Variants in GAPDHS observed in about 807,000 individuals in gnomAD.
The protein encoded by GAPDHS is glyceraldehyde-3-phosphate dehydrogenase, spermatogenic.
In GAPDHS, 42 loss-of-function variants were observed where a neutral mutation model predicts 48.7. The observed-to-expected ratio is 0.86, with a 90% confidence interval of 0.67 to 1.12. The LOEUF (loss-of-function observed/expected upper bound fraction) is 1.12. GAPDHS is among the 50% of genes most tolerant of loss of function. The pLI is 0.00. For synonymous variants in GAPDHS, 166 were observed against 219.1 expected (o/e 0.76, Z 2.14); for missense variants, 512 against 557.7 (o/e 0.92, Z 0.82).
chr19:35,542,454 T>A lies in GAPDHS; in HGVS notation c.541-36T>A, dbSNP rs777521930. ...CCAGGGCTAGCTGGGGGGATGATGG[T>A]GCCAGAAGCCCCTGACACCTGCGCT... On this transcript the variant is annotated intron_variant, in intron 5 of 10. Transcript: ENST00000222286. 6 of 1,586,882 alleles carry A rather than the reference T, an allele frequency of 3.8e-6. No individual in the cohort carries two copies. The East Asian group carries it at 1.3e-4, about 35-fold the overall frequency.
chr19:35,540,487 A>G (rs1365915287), intron 4 of GAPDHS, among the ~76,000 whole-genome samples: 1 of 152,154 alleles, frequency 6.6e-6, no homozygotes, highest in African/African-American at 2.4e-5. Flanking sequence ...GGGGTATCTG[A>G]GAAGAGCTCG....
intron 2 of GAPDHS, 60 bp from the exon 3 acceptor site, chr19:35,538,247 A>G: frequency 8.4e-7 from 1 of 1,188,108 alleles, no homozygotes; most frequent in Non-Finnish European, 1.2e-6. Flanking sequence ...AGGCTCCTTG[A>G]GGGAGCCTCC....
At chr19:35,540,129 G>A (rs1372586593) in intron 4 of GAPDHS, among the ~76,000 whole-genome samples, 5 of 152,238 alleles carry the variant, frequency 3.3e-5, no homozygotes, top group Non-Finnish European at 7.3e-5. Context: ...GGGATGATGA[G>A]CAAACCCACC....
At chr19:35,536,783 G>GC (rs1398227982) in intron 1 of GAPDHS, 30 bp from the exon 2 acceptor site, 1 of 1,551,112 alleles carries the variant, frequency 6.4e-7, no homozygotes, top group African/African-American at 1.4e-5. Context: ...TGGTGGTCAT[G>GC]CAACCCATTC....
chr19:35,543,587 G>T, intron 8 of GAPDHS, 78 bp from the exon 9 acceptor site: 1 of 1,581,564 alleles, frequency 6.3e-7, no homozygotes, highest in African/African-American at 1.3e-5. Context: ...CAGGGGCCTG[G>T]CCCAGCCACA....
chr19:35,535,696 G>A (rs2071461371), intron 1 of GAPDHS, among the ~76,000 whole-genome samples: 2 of 151,322 alleles, frequency 1.3e-5, no homozygotes, highest in East Asian at 2.0e-4. Context: ...CTGGAGTGCT[G>A]ATTAAAAACA....
At chr19:35,544,466 A>C in intron 9 of GAPDHS, 1 of 177,854 alleles carries the variant, frequency 5.6e-6, no homozygotes, top group South Asian at 1.3e-4. Flanking sequence ...TCAGGATTGA[A>C]AACACTCCTG....
At chr19:35,542,435 C>CAAGCTGGGGAGAGGTGCCCAGGGA in intron 5 of GAPDHS, 26 bp downstream of exon 5, 1 of 1,598,762 alleles carries the variant, frequency 6.3e-7, no homozygotes, top group Non-Finnish European at 8.6e-7. Flanking sequence ...GTGCCCAGGG[C>CAAGCTGGGGAGAGGTGCCCAGGGA]TAGCTGGGGG....
chr19:35,543,422 A>T lies in GAPDHS; in HGVS notation c.824A>T (p.His275Leu). 1.2e-6 allele frequency: 2 copies of T among 1,610,554 alleles called. No homozygotes were observed. The highest frequency in any genetic ancestry group is 1.7e-6 in the Non-Finnish European group (2 of 1,178,982). ...RKAWRDGRGAHQNIIPASTGA... is the reference protein window; with the variant it reads ...RKAWRDGRGALQNIIPASTGA... ...GCCTGGCGAGATGGGCGGGGTGCCC[A>T]CCAGAACATCATCCCAGCCTCCACT... Residue 275 changes from histidine to leucine, a missense_variant, in exon 8 of 11, where the codon CAC becomes CTC. Transcript: ENST00000222286.
intron 4 of GAPDHS, chr19:35,542,048 T>C: frequency 4.1e-6 from 2 of 489,946 alleles, no homozygotes; most frequent in Non-Finnish European, 7.5e-6. Flanking sequence ...CTGAGGAGGT[T>C]GAGGGCTGAG....
At chr19:35,543,986 C>A in intron 9 of GAPDHS, 159 bp downstream of exon 9, 5 of 1,333,792 alleles carry the variant, frequency 3.7e-6, no homozygotes, top group Non-Finnish European at 4.9e-6. Flanking sequence ...TTCCTTTAGT[C>A]TGGAATGCTT....
At chr19:35,536,694 G>T in intron 1 of GAPDHS, 119 bp from the exon 2 acceptor site, 1 of 767,382 alleles carries the variant, frequency 1.3e-6, no homozygotes, top group South Asian at 2.0e-5. Context: ...GGGAAACACT[G>T]GGCTAAATGG....
intron 4 of GAPDHS, chr19:35,541,118 C>G (rs964168058): frequency 3.3e-5 from 5 of 152,094 alleles, no homozygotes; most frequent in African/African-American, 9.7e-5. Flanking sequence ...GCACTCCAGC[C>G]TGAGTGACAG....
chr19:35,543,582 G>T, intron 8 of GAPDHS, 83 bp from the exon 9 acceptor site: 1 of 1,578,680 alleles, frequency 6.3e-7, no homozygotes, highest in Non-Finnish European at 8.6e-7. Context: ...GAAAGCAGGG[G>T]CCTGGCCCAG....
chr19:35,535,420 T>C (rs1193657493), intron 1 of GAPDHS, among the ~76,000 whole-genome samples: 1 of 152,052 alleles, frequency 6.6e-6, no homozygotes, highest in East Asian at 1.9e-4. Flanking sequence ...AGTTTCGCTC[T>C]TGTTGCCCAG....
At chr19:35,536,686 G>C in intron 1 of GAPDHS, 127 bp from the exon 2 acceptor site, 1 of 712,770 alleles carries the variant, frequency 1.4e-6, no homozygotes, top group Non-Finnish European at 2.4e-6. Context: ...GTGGGTTTGG[G>C]AAACACTGGG....
intron 1 of GAPDHS, among the ~76,000 whole-genome samples, chr19:35,535,145 G>C (rs1305730847): frequency 3.3e-5 from 5 of 152,184 alleles, no homozygotes; most frequent in Non-Finnish European, 7.3e-5. Flanking sequence ...TGACTTTCCA[G>C]CTTGAAACTC....
At position 35,542,612 on chromosome 19, in the gene GAPDHS, A is replaced by T. The variant is rs747610806; in HGVS notation, c.659+4A>T. 1.3e-5 allele frequency: 20 copies of T among 1,573,834 alleles called. No individual in the cohort carries two copies. Among genetic ancestry groups the T allele is most frequent in the Non-Finnish European group, 1.7e-5 (20 of 1,143,398 alleles). On this transcript the variant is annotated splice_donor_region_variant and intron_variant, in intron 6 of 10. Coordinates refer to ENST00000222286, the MANE Select transcript of GAPDHS (RefSeq NM_014364.5). ...CTGGCTCCATGAACATTGTGAGGTA[A>T]TGTGGGCAGTGACATCCTGCAATGT...
rs774758766 is a variant in GAPDHS, at chr19:35,544,917, T to C, written c.1065T>C (p.Ser355=). The change falls in exon 10 of 11, where the codon TCT becomes TCC. Residue 355 remains serine (S), a synonymous_variant. Transcript: ENST00000222286. ...GAAATTCTGACTTCCAGGTCGTCTC[T>C]ACGGACTTCCTCGGTGATACCCACT... ...ILAYTEDEVV[S]TDFLGDTHSS... 9.9e-6 allele frequency: 16 copies of C among 1,610,522 alleles called. No individual in the cohort carries two copies. The African/African-American group carries it at 1.2e-4, about 12-fold the overall frequency.
Sources: allele counts gnomAD v4.1 joint callset (sites outside exome capture counted in the v4.1 genomes callset), GRCh38; gene constraint gnomAD v4.1.1; transcripts MANE v1.5; gene names NCBI Gene and HGNC (gene_info 2026-07-23, HGNC 2026-07-21).